Variants in CUX2 observed in about 807,000 individuals in gnomAD.
CUX2 encodes the protein cut like homeobox 2.
Under a neutral mutation model 144.8 loss-of-function variants are expected in CUX2, and 40 were observed. The ratio of observed to expected loss-of-function variants is 0.28; its 90% CI spans 0.21 to 0.36. The LOEUF is 0.36. Ranked by LOEUF, CUX2 falls within the 10% of genes least tolerant of loss-of-function variation. The pLI, the probability that CUX2 is intolerant of heterozygous loss-of-function variation, is 1.00. For missense variants in CUX2, 1,615 were observed against 1,994.0 expected, an observed-to-expected ratio of 0.81 and a Z score of 3.62; for synonymous variants, 827 against 875.6, an observed-to-expected ratio of 0.94 and a Z score of 0.98.
At chr12:111,151,667 A>AC (rs1399995797) in intron 1 of CUX2, among the ~76,000 whole-genome samples, 1 of 152,058 alleles carries the variant, frequency 6.6e-6, no homozygotes, top group Non-Finnish European at 1.5e-5. Context: ...TGTGTCTGTC[A>AC]CCGGCTCTCA....
chr12:111,142,640 G>T (rs1056205876), intron 1 of CUX2, among the ~76,000 whole-genome samples: 2 of 151,906 alleles, frequency 1.3e-5, no homozygotes, highest in Non-Finnish European at 2.9e-5. Flanking sequence ...AGTGCTTATC[G>T]GTTCCTTTTG....
At chr12:111,202,143 A>G (rs999157337) in intron 1 of CUX2, among the ~76,000 whole-genome samples, 3 of 152,154 alleles carry the variant, frequency 2.0e-5, no homozygotes, top group Admixed American at 6.5e-5. Context: ...GTGAATGATC[A>G]TTTTGTGGGA....
chr12:111,156,381 C>T (rs764110759), intron 1 of CUX2, among the ~76,000 whole-genome samples: 8 of 152,192 alleles, frequency 5.3e-5, no homozygotes, highest in Non-Finnish European at 8.8e-5. Flanking sequence ...CTCCTTATTT[C>T]GGAATATTTT....
At chr12:111,121,587 C>T (rs1437645601) in intron 1 of CUX2, among the ~76,000 whole-genome samples, 1 of 151,894 alleles carries the variant, frequency 6.6e-6, no homozygotes, top group African/African-American at 2.4e-5. Flanking sequence ...GTCTCGAACT[C>T]CTGGCCTCAA....
chr12:111,343,381 A>C (rs1013107136), intron 21 of CUX2, among the ~76,000 whole-genome samples: 1 of 152,062 alleles, frequency 6.6e-6, no homozygotes, highest in Non-Finnish European at 1.5e-5. Flanking sequence ...TGTAAAGAAC[A>C]CTTGGGGGGA....
intron 1 of CUX2, among the ~76,000 whole-genome samples, chr12:111,167,865 T>G (rs140171016): frequency 1.5e-3 from 235 of 152,158 alleles, no homozygotes; most frequent in Middle Eastern, 0.01. Context: ...CAGCTAATTT[T>G]TGTATTTTTG....
At chr12:111,112,775 T>C (rs1697473477) in intron 1 of CUX2, among the ~76,000 whole-genome samples, 1 of 152,204 alleles carries the variant, frequency 6.6e-6, no homozygotes, top group Non-Finnish European at 1.5e-5. Flanking sequence ...GCTGGACAAA[T>C]GTCCCTTGCT....
intron 1 of CUX2, among the ~76,000 whole-genome samples, chr12:111,108,402 A>G (rs1454623856): frequency 2.0e-5 from 3 of 152,184 alleles, no homozygotes; most frequent in Non-Finnish European, 4.4e-5. Flanking sequence ...CTTTTGCCCA[A>G]TAATTTTAGC....
At chr12:111,195,718 G>T (rs1191442786) in intron 1 of CUX2, among the ~76,000 whole-genome samples, 2 of 152,200 alleles carry the variant, frequency 1.3e-5, no homozygotes, top group Non-Finnish European at 2.9e-5. Context: ...CTAAGGACTT[G>T]TCCATAATGT....
At chr12:111,104,216 G>A (rs75134196) in intron 1 of CUX2, among the ~76,000 whole-genome samples, 3 of 152,114 alleles carry the variant, frequency 2.0e-5, no homozygotes, top group Non-Finnish European at 2.9e-5. Context: ...ATGTTAGGTA[G>A]ACTAGGGTCC....
intron 1 of CUX2, among the ~76,000 whole-genome samples, chr12:111,158,001 G>A (rs1373285231): frequency 6.6e-6 from 1 of 152,176 alleles, no homozygotes; most frequent in South Asian, 2.1e-4. Flanking sequence ...ACCCTCAGAA[G>A]ATGTAAAAAT....
At chr12:111,119,929 G>A (rs1352914423) in intron 1 of CUX2, among the ~76,000 whole-genome samples, 4 of 152,124 alleles carry the variant, frequency 2.6e-5, no homozygotes, top group African/African-American at 7.2e-5. Context: ...ATGGTGGCAC[G>A]CGCCTGTAAT....
rs115474395 is a variant in CUX2, at chr12:111,195,693, A to T, written c.64-18507A>T. Among the ~76,000 whole-genome samples the T allele has an allele frequency of 2.5e-3, 379 of 152,272 alleles. 2 individuals are homozygous for T. Among genetic ancestry groups the T allele is most frequent in the African/African-American group, 8.7e-3 (363 of 41,548 alleles). ...ATACTGGTAATCACCGTAGCTAGGG[A>T]CACAGAGCCCAACACTAAGGACTTG... is the stretch of plus-strand genomic sequence containing the variant. On this transcript the variant is annotated intron_variant, in intron 1 of 21. Transcript: ENST00000261726.
Position 111,304,410 on chromosome 12 carries a change from GTTGA to G in CUX2, c.858+100_858+103del, listed in dbSNP as rs756718122. 3.8e-5 allele frequency: 37 copies of G among 975,180 alleles called. No homozygotes were observed. Among genetic ancestry groups the G allele is most frequent in the Non-Finnish European group, 5.4e-5 (34 of 633,938 alleles). The allele number at this position is 975,180 out of a possible 1,614,324, so 60.4% of individuals were successfully genotyped here. Reference sequence around the variant, plus strand: ...TTCAGCATGTGGGTGACACTTTGTGGTTGATTGTGTGCATCCATTTGAAACTGGG... The same window carrying G: ...TTCAGCATGTGGGTGACACTTTGTGGTTGTGTGCATCCATTTGAAACTGGG... On this transcript the variant is annotated intron_variant, in intron 10 of 21. Transcript: ENST00000261726. The surrounding 1 kb of genome is among the most constrained non-coding windows in gnomAD (Gnocchi z 4.7).
At position 111,350,076 on chromosome 12, in the gene CUX2, A is replaced by G. The variant is rs1030247876; in HGVS notation, c.*1751A>G. ...CATACACCCAGGCTATGCATTGAAG[A>G]GTTTTCCACTGTATACATTTTTATC... On this transcript the variant is annotated 3_prime_UTR_variant, in exon 22 of 22. Transcript: ENST00000261726. 6.6e-6 allele frequency: 1 copy of G among 152,630 alleles called. No homozygotes were observed. Among genetic ancestry groups the G allele is most frequent in the African/African-American group, 2.4e-5 (1 of 41,450 alleles). 9.5% of individuals were successfully genotyped at this position (152,630 alleles called of 1,614,324 possible).
At chr12:111,226,211 T>G (rs867649432) in intron 3 of CUX2, among the ~76,000 whole-genome samples, 62 of 152,386 alleles carry the variant, frequency 4.1e-4, no homozygotes, top group African/African-American at 1.3e-3. Flanking sequence ...CCCAAAGTGC[T>G]GGGATTACAG....
intron 21 of CUX2, among the ~76,000 whole-genome samples, chr12:111,342,820 G>A (rs1050721366): frequency 6.6e-6 from 1 of 151,976 alleles, no homozygotes; most frequent in Admixed American, 6.6e-5. Context: ...TTAGCTGGAC[G>A]TGGTGGTGCA....
chr12:111,050,698 T>C (rs949052266), intron 1 of CUX2, among the ~76,000 whole-genome samples: 1 of 152,150 alleles, frequency 6.6e-6, no homozygotes, highest in Non-Finnish European at 1.5e-5. Flanking sequence ...TCCACCATCG[T>C]CACTTGGACC....
At chr12:111,056,624 G>A (rs1028159050) in intron 1 of CUX2, among the ~76,000 whole-genome samples, 4 of 152,216 alleles carry the variant, frequency 2.6e-5, no homozygotes, top group African/African-American at 7.2e-5. Context: ...CAAGTTGCTA[G>A]TATCACTTCC....
Sources: gnomAD v4.1 joint callset for allele counts (sites outside exome capture counted in the v4.1 genomes callset) on GRCh38, gnomAD v4.1.1 for gene constraint, Gnocchi (gnomAD v3.1) non-coding constraint, MANE v1.5 for transcripts, NCBI Gene and HGNC (gene_info 2026-07-23, HGNC 2026-07-21) for gene names.